The following TMOD1 variants were observed in gnomAD, a reference collection of about 807,000 sequenced individuals.
The protein encoded by TMOD1 is tropomodulin-1.
Under a neutral mutation model 40.6 loss-of-function variants are expected in TMOD1, and 17 were observed. That is an observed-to-expected ratio of 0.42 (90% CI 0.29 to 0.63). The LOEUF (loss-of-function observed/expected upper bound fraction) is 0.63, where lower values mean the gene tolerates loss of function less well. Ranked by LOEUF, TMOD1 falls within the 20% of genes least tolerant of loss-of-function variation. The pLI is 0.22. For synonymous variants in TMOD1, 181 were observed against 175.0 expected (o/e 1.03, Z -0.27); for missense variants, 391 against 447.6 (o/e 0.87, Z 1.14).
At chr9:97,589,374 G>A (rs1365699093) in intron 8 of TMOD1, among the ~76,000 whole-genome samples, 4 of 147,460 alleles carry the variant, frequency 2.7e-5, no homozygotes, top group South Asian at 2.2e-4. Flanking sequence ...TCTGCCTCCC[G>A]GGTTCTCCTG....
chr9:97,541,410 A>T (rs1830273306), intron 2 of TMOD1, among the ~76,000 whole-genome samples: 1 of 151,544 alleles, frequency 6.6e-6, no homozygotes, highest in Admixed American at 6.6e-5. Context: ...CTGGTCTGGA[A>T]CTCCTGACCT....
At chr9:97,599,557 A>G (rs1371633496) in intron 9 of TMOD1, 77 bp from the exon 10 acceptor site, 25 of 1,588,498 alleles carry the variant, frequency 1.6e-5, no homozygotes, top group Non-Finnish European at 2.0e-5. Flanking sequence ...GAGGTTTCAC[A>G]GTGCTTTCTC....
At chr9:97,555,570 A>C (rs1830524483) in intron 4 of TMOD1, 5 of 1,524,466 alleles carry the variant, frequency 3.3e-6, no homozygotes, top group Non-Finnish European at 4.4e-6. Context: ...TGGGAAGGAG[A>C]GGGGAGCTGT....
chr9:97,567,641 A>G (rs1443249192), intron 7 of TMOD1, among the ~76,000 whole-genome samples: 5 of 152,168 alleles, frequency 3.3e-5, no homozygotes, highest in Admixed American at 3.3e-4. Context: ...TCCTGGGAGC[A>G]GGAAGGTTCT....
intron 1 of TMOD1, among the ~76,000 whole-genome samples, chr9:97,518,304 T>TCTGCCGGCCAAGGAACAC (rs1829856429): frequency 6.6e-6 from 1 of 152,200 alleles, no homozygotes; most frequent in East Asian, 1.9e-4. Context: ...GAAAGGAGCC[T>TCTGCCGGCCAAGGAACAC]CTGCCGGCCA....
intron 9 of TMOD1, among the ~76,000 whole-genome samples, chr9:97,593,671 A>G (rs1330578905): frequency 2.6e-5 from 4 of 152,166 alleles, no homozygotes; most frequent in Non-Finnish European, 5.9e-5. Context: ...TACAAATTCT[A>G]TCTAAACAAA....
intron 9 of TMOD1, among the ~76,000 whole-genome samples, chr9:97,592,524 C>T (rs905135215): frequency 2.6e-5 from 4 of 152,104 alleles, no homozygotes; most frequent in African/African-American, 9.7e-5. Context: ...TCATCAGATT[C>T]AAACCTGCTC....
At position 97,506,511 on chromosome 9, in the gene TMOD1, T is replaced by C. The variant is rs1374684599; in HGVS notation, c.-49+4708T>C. Reference sequence around the variant, plus strand: ...AACCAGCATTTACAGCATGTTCTCCTACCCGACCAAATCATCAGCTCTATG... The same window carrying C: ...AACCAGCATTTACAGCATGTTCTCCCACCCGACCAAATCATCAGCTCTATG... On this transcript the variant is annotated intron_variant, in intron 1 of 9. Coordinates refer to ENST00000259365, the MANE Select transcript of TMOD1 (RefSeq NM_003275.4). Among the ~76,000 whole-genome samples the C allele has an allele frequency of 3.9e-5, 6 of 152,180 alleles. No individual in the cohort carries two copies. In the Middle Eastern group the frequency reaches 9.5e-3, roughly 241 times the overall value.
intron 8 of TMOD1, among the ~76,000 whole-genome samples, chr9:97,574,048 A>C (rs1326614448): frequency 6.6e-6 from 1 of 152,182 alleles, no homozygotes; most frequent in Non-Finnish European, 1.5e-5. Flanking sequence ...GAGAGGTGAC[A>C]GCATGCTGGC....
At chr9:97,535,392 C>T (rs964817657) in intron 2 of TMOD1, among the ~76,000 whole-genome samples, 5 of 152,168 alleles carry the variant, frequency 3.3e-5, no homozygotes, top group Non-Finnish European at 7.4e-5. Context: ...TGCTGGGCCT[C>T]TGCTGCACTG....
chr9:97,562,714 C>T lies in TMOD1; in HGVS notation c.398-18C>T, dbSNP rs201532139. On this transcript the variant is annotated intron_variant, in intron 4 of 9. Coordinates refer to ENST00000259365, the MANE Select transcript of TMOD1 (RefSeq NM_003275.4). Reference sequence around the variant, plus strand: ...TGTCTGCAGAGGCACATCATGAGCCCTTCCCTTGTCCCTGCAGCGATCCTG... The same window carrying T: ...TGTCTGCAGAGGCACATCATGAGCCTTTCCCTTGTCCCTGCAGCGATCCTG... The T allele has an allele frequency of 2.6e-4, 395 of 1,520,248 alleles. 1 individual carries two copies. The African/African-American group carries it at 5.1e-3, about 20-fold the overall frequency. The allele number at this position is 1,520,248 out of a possible 1,614,324, so 94.2% of individuals were successfully genotyped here. A position where few individuals can be genotyped will look rare whatever the true frequency, so the allele number is the denominator to read the frequency against.
chr9:97,546,415 G>A, intron 3 of TMOD1, 74 bp downstream of exon 3: 3 of 1,517,002 alleles, frequency 2.0e-6, no homozygotes, highest in African/African-American at 2.8e-5. Flanking sequence ...GCCAGGCCCT[G>A]CCAGGCCCTG....
chr9:97,600,695 T>C lies in TMOD1; in HGVS notation c.*997T>C. ...TGACCTTACGCCTGTATATTAAGCC[T>C]CCGCAGGATGCCGGACAATGGTGAA... On this transcript the variant is annotated 3_prime_UTR_variant, in exon 10 of 10. Coordinates refer to ENST00000259365, the MANE Select transcript of TMOD1 (RefSeq NM_003275.4). 1.0e-6 allele frequency: 1 copy of C among 1,003,402 alleles called. No homozygotes were observed. The highest frequency in any genetic ancestry group is 1.7e-5 in the African/African-American group (1 of 57,620). 62.2% of individuals were successfully genotyped at this position (1,003,402 alleles called of 1,614,324 possible).
At chr9:97,584,833 CT>C (rs879935449) in intron 8 of TMOD1, among the ~76,000 whole-genome samples, 45 of 152,182 alleles carry the variant, frequency 3.0e-4, no homozygotes, top group Admixed American at 4.6e-4. Flanking sequence ...CAACCCCTGC[CT>C]TTTTTTGTTT....
rs775424731 is a variant in TMOD1 at position 97,557,445 on chromosome 9, C to T, written c.397+4045C>T. ...ACTCATCGTTTAGATGGGACAGCCT[C>T]GGGCCACTCACCCCCAAGGGCAGTT... On this transcript the variant is annotated intron_variant, in intron 4 of 9. Coordinates refer to ENST00000259365, the MANE Select transcript of TMOD1 (RefSeq NM_003275.4). The surrounding 1 kb of genome is among the most constrained non-coding windows in gnomAD (Gnocchi z 4.4). Among the ~76,000 whole-genome samples the T allele has an allele frequency of 4.6e-5, 7 of 152,152 alleles. No homozygotes were observed. Among genetic ancestry groups the T allele is most frequent in the Admixed American group, 2.0e-4 (3 of 15,284 alleles).
chr9:97,564,207 G>T, intron 6 of TMOD1, 39 bp downstream of exon 6: 1 of 1,553,768 alleles, frequency 6.4e-7, no homozygotes, highest in Non-Finnish European at 8.7e-7. Flanking sequence ...TGTGTGGCTG[G>T]GGGAGGGGGA....
At chr9:97,543,809 C>T (rs1471633782) in intron 2 of TMOD1, among the ~76,000 whole-genome samples, 1 of 152,212 alleles carries the variant, frequency 6.6e-6, no homozygotes, top group Non-Finnish European at 1.5e-5. Context: ...CAGCTAGCTA[C>T]AGGAAGTCCC....
At chr9:97,566,106 G>A (rs1830723844) in intron 7 of TMOD1, 151 bp downstream of exon 7, 2 of 612,802 alleles carry the variant, frequency 3.3e-6, no homozygotes, top group South Asian at 2.4e-5. Flanking sequence ...GAGGGGTGTA[G>A]AGGGAACAGC....
chr9:97,599,570 C>G (rs1826204596), intron 9 of TMOD1, 64 bp from the exon 10 acceptor site: 1 of 1,606,326 alleles, frequency 6.2e-7, no homozygotes. Flanking sequence ...GCTTTCTCAG[C>G]AACAGTGCTG....
Sources: allele counts gnomAD v4.1 joint callset (sites outside exome capture counted in the v4.1 genomes callset), GRCh38; gene constraint gnomAD v4.1.1; non-coding constraint Gnocchi (gnomAD v3.1); transcripts MANE v1.5; gene names NCBI Gene and HGNC (gene_info 2026-07-23, HGNC 2026-07-21).